Variants in ANXA13 observed in about 807,000 individuals in gnomAD.
ANXA13 encodes the protein annexin XIII.
Under a neutral mutation model 46.6 loss-of-function variants are expected in ANXA13, and 36 were observed. The observed-to-expected ratio is 0.77, with a 90% CI of 0.59 to 1.02. The LOEUF (loss-of-function observed/expected upper bound fraction) is 1.02, where lower values mean the gene tolerates loss of function less well. Ranked by LOEUF, ANXA13 falls within the 50% of genes least tolerant of loss-of-function variation. ANXA13 has a pLI of 0.00. For missense variants in ANXA13, 417 were observed against 396.5 expected (o/e 1.05, Z -0.44); for synonymous variants, 163 against 152.9 (o/e 1.07, Z -0.49).
intron 1 of ANXA13, among the ~76,000 whole-genome samples, chr8:123,718,520 G>T (rs1015845272): frequency 2.0e-5 from 3 of 152,182 alleles, no homozygotes; most frequent in Admixed American, 6.5e-5. Flanking sequence ...CTGTTGAGGT[G>T]CTGGCCATCA....
chr8:123,735,945 A>T, intron 1 of ANXA13: 2 of 1,494,964 alleles, frequency 1.3e-6, no homozygotes, highest in Non-Finnish European at 1.8e-6. Context: ...CCCTAGGTTG[A>T]CTTTCAAAAG....
At position 123,681,176 on chromosome 8, in the gene ANXA13, T is replaced by C; in HGVS notation, c.*64A>G. ...TCGTGCGGGAGTCTCATTTGCAAGTTTGATTTGGAATGTGCTCTTGACAAA... is the reference window on the plus strand; with the variant it reads ...TCGTGCGGGAGTCTCATTTGCAAGTCTGATTTGGAATGTGCTCTTGACAAA... On this transcript the variant is annotated 3_prime_UTR_variant, in exon 11 of 11. Transcript: ENST00000419625. 6.6e-7 allele frequency: 1 copy of C among 1,518,908 alleles called. No individual in the cohort carries two copies. The highest frequency in any genetic ancestry group is 8.8e-7 in the Non-Finnish European group (1 of 1,131,218). The allele number at this position is 1,518,908 out of a possible 1,614,324, so 94.1% of individuals were successfully genotyped here.
In ANXA13 at chr8:123,713,849, T is replaced by C. The variant is rs180881169; in HGVS notation, c.16-1096A>G. ...CTGGGATTATAGGTGCACGCCACCA[T>C]GCCTGGCTAATTTTTTGTATTTTTA... On this transcript the variant is annotated intron_variant, in intron 1 of 10. Coordinates refer to ENST00000419625, the MANE Select transcript of ANXA13 (RefSeq NM_004306.4). Among the ~76,000 whole-genome samples the C allele has an allele frequency of 3.1e-3, 477 of 152,280 alleles. 3 individuals are homozygous for C. Among genetic ancestry groups the C allele is most frequent in the African/African-American group, 0.011 (461 of 41,562 alleles).
At position 123,702,549 on chromosome 8, in the gene ANXA13, A is replaced by G. The variant is rs73703638; in HGVS notation, c.186+93T>C. 4,691 of 980,804 alleles carry G rather than the reference A, an allele frequency of 4.8e-3. 121 individuals are homozygous for G. In the African/African-American group the frequency reaches 0.067, roughly 14 times the overall value. 60.8% of individuals were successfully genotyped at this position (980,804 alleles called of 1,614,324 possible). On this transcript the variant is annotated intron_variant, in intron 3 of 10. Transcript: ENST00000419625. ...CCTCCTGGGCTGACTCAATAAAGCT[A>G]TAAAGATATTCTGCGTGGCCTGGGG...
intron 9 of ANXA13, 35 bp downstream of exon 9, chr8:123,688,836 A>G: frequency 2.5e-6 from 4 of 1,601,928 alleles, no homozygotes; most frequent in Non-Finnish European, 3.4e-6. Flanking sequence ...CAGGCAGCCC[A>G]ACCTAAGACA....
intron 1 of ANXA13, among the ~76,000 whole-genome samples, chr8:123,733,249 C>T (rs920886191): frequency 6.6e-6 from 1 of 151,690 alleles, no homozygotes; most frequent in Non-Finnish European, 1.5e-5. Flanking sequence ...TTATTTAAGT[C>T]TTTTGAAATG....
intron 1 of ANXA13, chr8:123,728,031 T>A (rs1352193904): frequency 3.9e-5 from 6 of 152,260 alleles, no homozygotes; most frequent in Non-Finnish European, 8.8e-5. Context: ...CCTGCTTCTT[T>A]GTCTGCATCA....
chr8:123,681,189 T>A lies in ANXA13; in HGVS notation c.*51A>T. The A allele has an allele frequency of 6.5e-7, 1 of 1,539,510 alleles. No homozygotes were observed. The highest frequency in any genetic ancestry group is 8.8e-7 in the Non-Finnish European group (1 of 1,141,234). ...TCATTTGCAAGTTTGATTTGGAATGTGCTCTTGACAAAGGCGGTTCCACCC... is the reference window on the plus strand; with the variant it reads ...TCATTTGCAAGTTTGATTTGGAATGAGCTCTTGACAAAGGCGGTTCCACCC... On this transcript the variant is annotated 3_prime_UTR_variant, in exon 11 of 11. Coordinates refer to ENST00000419625, the MANE Select transcript of ANXA13 (RefSeq NM_004306.4).
At chr8:123,688,620 CTGTT>C (rs1037153094) in intron 9 of ANXA13, among the ~76,000 whole-genome samples, 5 of 152,166 alleles carry the variant, frequency 3.3e-5, no homozygotes, top group Non-Finnish European at 5.9e-5. Context: ...TGTTACATGA[CTGTT>C]TGATGTGGGG....
rs751050058 is a variant in ANXA13 at position 123,684,610 on chromosome 8, C to T, written c.831G>A (p.Glu277=). ...TLIRIVVTRA[E]VDLQGIKAKF... ...TCTTTGGAGTCGGAGTGTGTCTTAC[C>T]TCGGCCCTGGTCACGACTATGCGAA... is the stretch of plus-strand genomic sequence containing the variant. Residue 277 remains glutamate, a splice_region_variant and synonymous_variant, in exon 10 of 11, where the codon GAG becomes GAA. Transcript: ENST00000419625. The T allele has an allele frequency of 6.2e-7, 1 of 1,610,464 alleles. No homozygotes were observed. Among genetic ancestry groups the T allele is most frequent in the Non-Finnish European group, 8.5e-7 (1 of 1,176,714 alleles).
At chr8:123,735,877 T>C in intron 1 of ANXA13, 1 of 1,594,354 alleles carries the variant, frequency 6.3e-7, no homozygotes, top group Non-Finnish European at 8.5e-7. Flanking sequence ...TACGACTGGC[T>C]CTGAGGATTA....
intron 2 of ANXA13, among the ~76,000 whole-genome samples, chr8:123,709,778 G>A (rs1328752211): frequency 6.6e-6 from 1 of 152,166 alleles, no homozygotes; most frequent in Admixed American, 6.5e-5. Context: ...ATATATTTGA[G>A]ATGGTGTCTC....
intron 5 of ANXA13, 46 bp downstream of exon 5, chr8:123,695,642 T>C (rs756293889): frequency 6.2e-7 from 1 of 1,612,166 alleles, no homozygotes; most frequent in South Asian, 1.1e-5. Flanking sequence ...AGAGGTATTT[T>C]GAAAGAAACA....
chr8:123,723,781 A>G (rs944537952), intron 1 of ANXA13, among the ~76,000 whole-genome samples: 1 of 152,112 alleles, frequency 6.6e-6, no homozygotes, highest in Non-Finnish European at 1.5e-5. Context: ...CTTTTTTATT[A>G]GTCTATTTCC....
At chr8:123,718,174 T>C (rs372937068) in intron 1 of ANXA13, among the ~76,000 whole-genome samples, 42 of 152,360 alleles carry the variant, frequency 2.8e-4, no homozygotes, top group African/African-American at 9.9e-4. Context: ...ATGCCAAGCA[T>C]CTAAAACAAG....
At position 123,693,714 on chromosome 8, in the gene ANXA13, A is replaced by G; in HGVS notation, c.537T>C (p.Tyr179=). 1.9e-6 allele frequency: 3 copies of G among 1,613,562 alleles called. No individual in the cohort carries two copies. The highest frequency in any genetic ancestry group is 2.2e-5 in the South Asian group (2 of 91,032). The part of the protein sequence containing the change: ...DLAGQDAKDL[Y]DAGEGRWGTD... ...ACTGGCATGTCTGCACACATACATC[A>G]TACAGATCTTTGGCATCCTGACCAG... Residue 179 remains tyrosine, a synonymous_variant, in exon 7 of 11, where the codon TAT becomes TAC. Transcript: ENST00000419625.
At chr8:123,726,690 A>G (rs556217811) in intron 1 of ANXA13, among the ~76,000 whole-genome samples, 1 of 152,344 alleles carries the variant, frequency 6.6e-6, no homozygotes, top group Admixed American at 6.5e-5. Context: ...TGATCCAGCA[A>G]TCTCACTACT....
chr8:123,731,290 C>T, intron 1 of ANXA13, among the ~76,000 whole-genome samples: 1 of 152,118 alleles, frequency 6.6e-6, no homozygotes, highest in East Asian at 1.9e-4. Flanking sequence ...ACTTTGGATA[C>T]ATTAGAATCA....
intron 1 of ANXA13, among the ~76,000 whole-genome samples, chr8:123,730,445 C>G (rs557720097): frequency 5.9e-5 from 9 of 152,092 alleles, no homozygotes; most frequent in Admixed American, 1.3e-4. Flanking sequence ...TTCCAAGGAA[C>G]TCTAATGTGC....
Sources: allele counts gnomAD v4.1 joint callset (sites outside exome capture counted in the v4.1 genomes callset), GRCh38; gene constraint gnomAD v4.1.1; transcripts MANE v1.5; gene names NCBI Gene and HGNC (gene_info 2026-07-23, HGNC 2026-07-21).